The following SYN3 variants were observed in gnomAD, a reference collection of about 807,000 sequenced individuals.
SYN3 encodes synapsin III.
Under a neutral mutation model 65.8 loss-of-function variants are expected in SYN3, and 35 were observed. That is an observed-to-expected ratio of 0.53 (90% CI 0.41 to 0.70). The LOEUF (loss-of-function observed/expected upper bound fraction) is 0.70, where lower values mean the gene tolerates loss of function less well. Among genes scored for constraint, SYN3 ranks in the 30% least tolerant of loss-of-function variants. The pLI is 0.00. For synonymous variants in SYN3, 270 were observed against 292.9 expected, an observed-to-expected ratio of 0.92 and a Z score of 0.80; for missense variants, 680 against 749.0, an observed-to-expected ratio of 0.91 and a Z score of 1.08.
At chr22:32,840,635 G>GCCGCCCCCT (rs1392369893) in intron 6 of SYN3, among the ~76,000 whole-genome samples, 2 of 151,628 alleles carry the variant, frequency 1.3e-5, no homozygotes, top group African/African-American at 4.9e-5. Context: ...TCTCCTTACC[G>GCCGCCCCCT]CCGCCCCCTC....
At chr22:32,886,375 A>G (rs2049287533) in intron 4 of SYN3, among the ~76,000 whole-genome samples, 2 of 152,186 alleles carry the variant, frequency 1.3e-5, no homozygotes. Flanking sequence ...GGGGTCATGC[A>G]TAAAGGAAAA....
At position 32,590,137 on chromosome 22, in the gene SYN3, A is replaced by G. The variant is rs114626622; in HGVS notation, c.774+6537T>C. 4.1e-3 allele frequency among the ~76,000 whole-genome samples: 624 copies of G among 152,272 alleles called. 7 individuals are homozygous for G. The highest frequency in any genetic ancestry group is 0.014 in the African/African-American group (590 of 41,544). ...CTTTGCCCACTTCTGCCTCATCTCC[A>G]TGACTATCCCTTCCGTCCTCTCCGA... is the stretch of plus-strand genomic sequence containing the variant. On this transcript the variant is annotated intron_variant, in intron 7 of 13. Transcript: ENST00000358763.
intron 6 of SYN3, among the ~76,000 whole-genome samples, chr22:32,754,595 G>A (rs2045237713): frequency 6.6e-6 from 1 of 152,220 alleles, no homozygotes. Context: ...GGCAAACAAA[G>A]TTCTGCAGAA....
chr22:32,992,898 G>A (rs887125905), intron 2 of SYN3, among the ~76,000 whole-genome samples: 6 of 152,126 alleles, frequency 3.9e-5, no homozygotes, highest in Non-Finnish European at 8.8e-5. Flanking sequence ...GAACATCTCC[G>A]TGTGGCCTGT....
chr22:32,888,820 A>T lies in SYN3; in HGVS notation c.462-19695T>A, dbSNP rs191669592. On this transcript the variant is annotated intron_variant, in intron 4 of 13. Transcript: ENST00000358763. Reference sequence around the variant, plus strand: ...TGGATTTTTTTCATTAGGGTTGCTCAACTGCTAAGGATAATGCAAATATTC... The same window carrying T: ...TGGATTTTTTTCATTAGGGTTGCTCTACTGCTAAGGATAATGCAAATATTC... Among the ~76,000 whole-genome samples the T allele has an allele frequency of 3.4e-4, 51 of 152,224 alleles. 1 individual carries two copies. The highest frequency in any genetic ancestry group is 9.8e-4 in the Admixed American group (15 of 15,302).
intron 3 of SYN3, among the ~76,000 whole-genome samples, chr22:32,942,915 G>A (rs1162414278): frequency 2.6e-5 from 4 of 152,112 alleles, no homozygotes; most frequent in Admixed American, 2.0e-4. Flanking sequence ...AAAAAGAAAC[G>A]AACAAAGCCT....
At chr22:32,912,521 G>C (rs2050078307) in intron 4 of SYN3, among the ~76,000 whole-genome samples, 1 of 152,082 alleles carries the variant, frequency 6.6e-6, no homozygotes, top group Non-Finnish European at 1.5e-5. Context: ...TTTGAGACAA[G>C]CCTGCGCAAC....
chr22:32,799,142 G>T (rs1320066126), intron 6 of SYN3, among the ~76,000 whole-genome samples: 1 of 152,198 alleles, frequency 6.6e-6, no homozygotes, highest in Non-Finnish European at 1.5e-5. Flanking sequence ...CTAGCAGGAG[G>T]ACTCCCCTAC....
chr22:32,862,357 T>A (rs1191486768), intron 6 of SYN3: 1 of 152,242 alleles, frequency 6.6e-6, no homozygotes, highest in South Asian at 2.1e-4. Context: ...TAGGTAATAC[T>A]GGGAGACTCC....
At chr22:32,611,557 G>C (rs2858744) in intron 6 of SYN3, among the ~76,000 whole-genome samples, 29,931 of 151,964 alleles carry the variant, frequency 0.2, 3,187 homozygotes, top group African/African-American at 0.21. Flanking sequence ...CTCCCAAAGT[G>C]CTGCGATTAC....
chr22:32,664,383 G>T (rs1267143336), intron 6 of SYN3, among the ~76,000 whole-genome samples: 3 of 152,024 alleles, frequency 2.0e-5, no homozygotes, highest in Admixed American at 2.0e-4. Flanking sequence ...AGTTTTCAGG[G>T]GAAAATCTAG....
intron 3 of SYN3, among the ~76,000 whole-genome samples, chr22:32,966,716 A>G (rs2051857372): frequency 6.6e-6 from 1 of 152,200 alleles, no homozygotes; most frequent in African/African-American, 2.4e-5. Context: ...GGAGTTTGAG[A>G]CCAGTCTGGG....
intron 6 of SYN3, among the ~76,000 whole-genome samples, chr22:32,825,623 A>T (rs1277020496): frequency 8.1e-6 from 1 of 123,222 alleles, no homozygotes; most frequent in Non-Finnish European, 1.6e-5. Context: ...ATGCCACTGC[A>T]CTCCAGCCTG....
At position 33,028,700 on chromosome 22, in the gene SYN3, G is replaced by A. The variant is rs545446134; in HGVS notation, c.-162-21876C>T. Among the ~76,000 whole-genome samples the A allele has an allele frequency of 5.3e-3, 715 of 135,708 alleles. 3 individuals carry two copies. Among genetic ancestry groups the A allele is most frequent in the South Asian group, 0.02 (90 of 4,422 alleles). The allele number at this position is 135,708 out of a possible 152,430, so 89.0% of individuals were successfully genotyped here. On this transcript the variant is annotated intron_variant, in intron 1 of 13. Transcript: ENST00000358763. The stretch of plus-strand genomic sequence containing the variant: ...GGTGGTGGTGGTGGTGATGGTGGTG[G>A]TGGTGGTGGTGGTGGGGTTGCTACC...
At chr22:33,046,579 C>T (rs537384515) in intron 1 of SYN3, among the ~76,000 whole-genome samples, 15 of 150,574 alleles carry the variant, frequency 1.0e-4, no homozygotes, top group Admixed American at 6.0e-4. Context: ...ATTAGCTGGG[C>T]GAGGTGGAAT....
chr22:32,896,734 A>G (rs972453729), intron 4 of SYN3, among the ~76,000 whole-genome samples: 16 of 152,216 alleles, frequency 1.1e-4, no homozygotes, highest in African/African-American at 3.9e-4. Context: ...GTAAACGTGA[A>G]ATTTTTTCCA....
intron 3 of SYN3, among the ~76,000 whole-genome samples, chr22:32,932,775 G>T (rs1014940649): frequency 6.6e-6 from 1 of 152,108 alleles, no homozygotes; most frequent in East Asian, 1.9e-4. Context: ...GTCTCCCAAG[G>T]CTGCTGTAAT....
chr22:32,859,572 C>G, intron 6 of SYN3: 1 of 701,466 alleles, frequency 1.4e-6, no homozygotes. Context: ...CCTGCCCCTT[C>G]TTTTTGGTTT....
At chr22:32,822,472 G>A (rs1220880429) in intron 6 of SYN3, among the ~76,000 whole-genome samples, 3 of 152,184 alleles carry the variant, frequency 2.0e-5, no homozygotes, top group Non-Finnish European at 4.4e-5. Context: ...GTGACGTCTG[G>A]GGAGGGAAGT....
Sources: gnomAD v4.1 joint callset for allele counts (sites outside exome capture counted in the v4.1 genomes callset) on GRCh38, gnomAD v4.1.1 for gene constraint, MANE v1.5 for transcripts, NCBI Gene and HGNC (gene_info 2026-07-23, HGNC 2026-07-21) for gene names.